Variants in PTPRM observed in about 807,000 individuals in gnomAD.
PTPRM encodes the protein receptor-type tyrosine-protein phosphatase mu.
In PTPRM, 47 loss-of-function variants were observed where a neutral mutation model predicts 186.7. That is an observed-to-expected ratio of 0.25 (90% confidence interval 0.20 to 0.32). The LOEUF (loss-of-function observed/expected upper bound fraction) is 0.32. Ranked by LOEUF, PTPRM falls within the 10% of genes least tolerant of loss-of-function variation. The probability of loss-of-function intolerance (pLI) is 1.00; values close to 1 mark genes in which losing one functional copy is unlikely to be tolerated. For synonymous variants in PTPRM, 668 were observed against 674.9 expected, an observed-to-expected ratio of 0.99 and a Z score of 0.16; for missense variants, 1,494 against 1,865.0, an observed-to-expected ratio of 0.80 and a Z score of 3.66.
intron 2 of PTPRM, among the ~76,000 whole-genome samples, chr18:7,865,929 A>G (rs2047665823): frequency 6.6e-6 from 1 of 152,168 alleles, no homozygotes; most frequent in Admixed American, 6.5e-5. Flanking sequence ...GTATGAGTCC[A>G]GTAATTTATC....
intron 14 of PTPRM, among the ~76,000 whole-genome samples, chr18:8,155,417 A>G (rs1238828347): frequency 6.6e-6 from 1 of 152,198 alleles, no homozygotes; most frequent in East Asian, 1.9e-4. Flanking sequence ...TTAAAGAGTT[A>G]GGCATTCTGG....
chr18:7,578,436 T>C lies in PTPRM; in HGVS notation c.73+10545T>C, dbSNP rs538402825. ...CTGCAAGCTCCACCTCCCAGGTTCA[T>C]GCCATTCTCCTGCCTCAGCCTCCCG... On this transcript the variant is annotated intron_variant, in intron 1 of 32. Transcript: ENST00000580170. 7.8e-4 allele frequency among the ~76,000 whole-genome samples: 118 copies of C among 150,886 alleles called. 3 individuals are homozygous for C. In the South Asian group the frequency reaches 0.018, roughly 23 times the overall value.
At chr18:8,134,864 G>A (rs2092601470) in intron 13 of PTPRM, among the ~76,000 whole-genome samples, 1 of 152,098 alleles carries the variant, frequency 6.6e-6, no homozygotes, top group Admixed American at 6.6e-5. Context: ...ATGCTGTAGT[G>A]CAATGAAATA....
intron 1 of PTPRM, among the ~76,000 whole-genome samples, chr18:7,605,281 G>A (rs73385383): frequency 0.027 from 4,107 of 152,286 alleles, 174 homozygotes; most frequent in African/African-American, 0.093. Context: ...TGTGGGCCAT[G>A]GGTTGGACAA....
intron 31 of PTPRM, 25 bp downstream of exon 31, chr18:8,387,260 T>C: frequency 1.2e-6 from 2 of 1,605,284 alleles, no homozygotes; most frequent in Non-Finnish European, 1.7e-6. Context: ...GAGCTCTTCA[T>C]TTCAGAACAG....
intron 1 of PTPRM, among the ~76,000 whole-genome samples, chr18:7,727,118 T>C (rs2040565195): frequency 6.6e-6 from 1 of 152,132 alleles, no homozygotes; most frequent in South Asian, 2.1e-4. Flanking sequence ...ACTTGAAAAG[T>C]AATGACTTCC....
intron 1 of PTPRM, among the ~76,000 whole-genome samples, chr18:7,650,287 C>A (rs2038666891): frequency 6.6e-6 from 1 of 152,136 alleles, no homozygotes. Flanking sequence ...AGATTTTAAC[C>A]AGCCCTATAT....
At chr18:8,169,507 C>T (rs955550572) in intron 14 of PTPRM, among the ~76,000 whole-genome samples, 1 of 152,092 alleles carries the variant, frequency 6.6e-6, no homozygotes, top group Non-Finnish European at 1.5e-5. Flanking sequence ...AAGTGTACCT[C>T]CATGTAGCCT....
intron 23 of PTPRM, among the ~76,000 whole-genome samples, chr18:8,354,270 G>C (rs541395122): frequency 6.6e-6 from 1 of 151,670 alleles, no homozygotes; most frequent in South Asian, 2.1e-4. Flanking sequence ...AGAGTTCTTG[G>C]GAGAAAGTGG....
At chr18:7,911,035 T>TG (rs2050237774) in intron 4 of PTPRM, among the ~76,000 whole-genome samples, 1 of 152,218 alleles carries the variant, frequency 6.6e-6, no homozygotes, top group South Asian at 2.1e-4. Context: ...GCGCTATATG[T>TG]GGCCCTTTGT....
intron 14 of PTPRM, among the ~76,000 whole-genome samples, chr18:8,229,033 A>G (rs1390479503): frequency 6.6e-6 from 1 of 152,188 alleles, no homozygotes; most frequent in Admixed American, 6.5e-5. Flanking sequence ...CTTCAGGATC[A>G]TTAGACATGC....
intron 14 of PTPRM, among the ~76,000 whole-genome samples, chr18:8,144,986 C>T (rs1453340270): frequency 6.6e-6 from 1 of 152,028 alleles, no homozygotes; most frequent in Non-Finnish European, 1.5e-5. Context: ...AGGAGGTTGA[C>T]CTTGGGCCTG....
chr18:7,810,123 G>A (rs374814197), intron 2 of PTPRM, among the ~76,000 whole-genome samples: 2 of 152,144 alleles, frequency 1.3e-5, no homozygotes, highest in South Asian at 4.1e-4. Context: ...TTAGGGATCT[G>A]CAGTAGCCAA....
chr18:7,821,020 T>G (rs1241422790), intron 2 of PTPRM, among the ~76,000 whole-genome samples: 1 of 152,136 alleles, frequency 6.6e-6, no homozygotes, highest in African/African-American at 2.4e-5. Flanking sequence ...GTGGAGCTAC[T>G]GATTAGAGAA....
At chr18:7,577,024 CAATTT>C (rs2036705378) in intron 1 of PTPRM, among the ~76,000 whole-genome samples, 1 of 151,874 alleles carries the variant, frequency 6.6e-6, no homozygotes, top group South Asian at 2.1e-4. Flanking sequence ...AATGAAGAAA[CAATTT>C]AAAGAAGCTC....
intron 2 of PTPRM, among the ~76,000 whole-genome samples, chr18:7,785,039 G>A (rs960373728): frequency 2.6e-5 from 4 of 152,168 alleles, no homozygotes; most frequent in Non-Finnish European, 5.9e-5. Flanking sequence ...CCTGTGTAAA[G>A]GCAGTGAGGG....
rs2087060326 is a variant in PTPRM at position 8,046,423 on chromosome 18, T to A, written c.1133-23263T>A. 2.0e-5 allele frequency among the ~76,000 whole-genome samples: 3 copies of A among 152,198 alleles called. No homozygotes were observed. In the South Asian group the frequency reaches 6.2e-4, roughly 32 times the overall value. On this transcript the variant is annotated intron_variant, in intron 7 of 32. Transcript: ENST00000580170. The stretch of plus-strand genomic sequence containing the variant: ...TTGACCTTCTAAAACCTCCACATAT[T>A]AATGCATAGCTGAGTATACCACTTA...
At chr18:7,924,449 T>G (rs1354901183) in intron 4 of PTPRM, among the ~76,000 whole-genome samples, 1 of 152,208 alleles carries the variant, frequency 6.6e-6, no homozygotes, top group Non-Finnish European at 1.5e-5. Context: ...CTTAAAATTC[T>G]TAGTGAACTC....
chr18:7,632,589 T>C (rs1177380761), intron 1 of PTPRM, among the ~76,000 whole-genome samples: 7 of 152,158 alleles, frequency 4.6e-5, no homozygotes, highest in African/African-American at 1.4e-4. Flanking sequence ...TTGGGGCGGC[T>C]GAAAAAGGCT....
Sources: allele counts gnomAD v4.1 joint callset (sites outside exome capture counted in the v4.1 genomes callset), GRCh38; gene constraint gnomAD v4.1.1; transcripts MANE v1.5; gene names NCBI Gene and HGNC (gene_info 2026-07-23, HGNC 2026-07-21).